SYDE2: variants seen among roughly 807,000 people sequenced by gnomAD.
The protein encoded by SYDE2 is synapse defective Rho GTPase homolog 2.
Under a neutral mutation model 91.5 loss-of-function variants are expected in SYDE2, and 76 were observed. The ratio of observed to expected loss-of-function variants is 0.83; its 90% CI spans 0.69 to 1.01. The LOEUF is 1.01. Ranked by LOEUF, SYDE2 falls within the 50% of genes least tolerant of loss-of-function variation. The pLI, the probability that SYDE2 is intolerant of heterozygous loss-of-function variation, is 0.00. For missense variants in SYDE2, 1,364 were observed against 1,367.7 expected (o/e 1.00, Z 0.04); for synonymous variants, 513 against 506.4 (o/e 1.01, Z -0.18).
At chr1:85,163,719 G>A (rs1343347871) in intron 6 of SYDE2, among the ~76,000 whole-genome samples, 1 of 151,958 alleles carries the variant, frequency 6.6e-6, no homozygotes. Flanking sequence ...TTACTAGTGT[G>A]CTCTACACTA....
At chr1:85,184,422 C>T (rs554437075) in intron 2 of SYDE2, among the ~76,000 whole-genome samples, 2 of 152,162 alleles carry the variant, frequency 1.3e-5, no homozygotes, top group South Asian at 4.1e-4. Context: ...TCTATCAACA[C>T]CTAACATTAA....
At chr1:85,186,000 CATG>C (rs1288416808) in intron 2 of SYDE2, among the ~76,000 whole-genome samples, 1 of 152,158 alleles carries the variant, frequency 6.6e-6, no homozygotes, top group Non-Finnish European at 1.5e-5. Context: ...GAGTTTTTAG[CATG>C]AAGGGTTGTT....
rs772117139 is a variant in SYDE2, at chr1:85,164,552, A to G, written c.3059T>C (p.Leu1020Pro). 8 of 1,602,208 alleles carry G rather than the reference A, an allele frequency of 5.0e-6. No individual in the cohort carries two copies. The highest frequency in any genetic ancestry group is 1.1e-5 in the South Asian group (1 of 87,828). Residue 1020 changes from leucine (L) to proline (P), a missense_variant, in exon 6 of 7, where the codon CTT (leucine) becomes CCT (proline). Leu to Pro is a moderately conservative substitution (Grantham distance 98). Coordinates refer to ENST00000341460, the MANE Select transcript of SYDE2 (RefSeq NM_032184.2). ...TGGCCAGAGTTGGAGTAAGTAATGA[A>G]GAACTTCAATGTGTTTTTTAAAATC... ...ALDFKKHIEV[L>P]HYLLQLWPVQ...
rs189010405 is a variant in SYDE2 at position 85,171,546 on chromosome 1, A to G, written c.2672-2321T>C. ...ATTGCAGAGAACAGTGTTTTTTCAAAATTGGCTGCACACTGAGGCTTTAAA... is the reference window on the plus strand; with the variant it reads ...ATTGCAGAGAACAGTGTTTTTTCAAGATTGGCTGCACACTGAGGCTTTAAA... On this transcript the variant is annotated intron_variant, in intron 4 of 6. Transcript: ENST00000341460. Among the ~76,000 whole-genome samples the G allele has an allele frequency of 2.0e-5, 3 of 152,306 alleles. No individual in the cohort carries two copies. The East Asian group carries it at 5.8e-4, about 29-fold the overall frequency.
At chr1:85,168,554 G>A (rs1355467015) in intron 5 of SYDE2, among the ~76,000 whole-genome samples, 1 of 152,146 alleles carries the variant, frequency 6.6e-6, no homozygotes, top group Non-Finnish European at 1.5e-5. Context: ...ATTTTGGAGA[G>A]GGGGTGAATG....
At chr1:85,171,624 AG>A (rs2100656423) in intron 4 of SYDE2, among the ~76,000 whole-genome samples, 1 of 152,306 alleles carries the variant, frequency 6.6e-6, no homozygotes, top group African/African-American at 2.4e-5. Context: ...TAATGTACAG[AG>A]GTCAGAGCTC....
intron 5 of SYDE2, among the ~76,000 whole-genome samples, chr1:85,165,182 T>A (rs817420): frequency 1.3e-5 from 2 of 152,042 alleles, no homozygotes; most frequent in African/African-American, 4.8e-5. Flanking sequence ...TGCAGTCAGC[T>A]GAGACTATAC....
intron 2 of SYDE2, among the ~76,000 whole-genome samples, chr1:85,188,971 CAG>C (rs1658257498): frequency 6.6e-6 from 1 of 152,194 alleles, no homozygotes; most frequent in Non-Finnish European, 1.5e-5. Flanking sequence ...TGATATAAAA[CAG>C]AACTGCTTTC....
chr1:85,198,943 T>C (rs1658704947), intron 1 of SYDE2, among the ~76,000 whole-genome samples: 1 of 152,238 alleles, frequency 6.6e-6, no homozygotes, highest in East Asian at 1.9e-4. Context: ...TATCCTTTTG[T>C]TCAAGTGAAA....
intron 4 of SYDE2, among the ~76,000 whole-genome samples, chr1:85,175,064 C>T (rs1239719607): frequency 6.6e-6 from 1 of 152,168 alleles, no homozygotes. Flanking sequence ...AACCTAGATA[C>T]TGATTATGTA....
rs1171604142 is a variant in SYDE2, at chr1:85,200,358, A to G, written c.639T>C (p.Ala213=). Residue 213 remains alanine, a synonymous_variant, in exon 1 of 7, where the codon GCT becomes GCC. Coordinates refer to ENST00000341460, the MANE Select transcript of SYDE2 (RefSeq NM_032184.2). ...LGMKGRARGT[A]PKVTGTQAAS... ...CTGCCTGCGTTCCTGTGACTTTGGG[A>G]GCCGTCCCACGGGCACGACCCTTCA... is the stretch of plus-strand genomic sequence containing the variant. The G allele has an allele frequency of 6.2e-7, 1 of 1,613,968 alleles. No individual in the cohort carries two copies.
chr1:85,193,865 T>C (rs535206389), intron 1 of SYDE2, among the ~76,000 whole-genome samples: 9 of 152,128 alleles, frequency 5.9e-5, no homozygotes, highest in Non-Finnish European at 1.3e-4. Context: ...CAGGCTTAAG[T>C]GATCTTCCTG....
Position 85,187,103 on chromosome 1 carries a change from C to T in SYDE2, c.1441+2954G>A, listed in dbSNP as rs371861747. Reference sequence around the variant, plus strand: ...AACCTACAAAATGGGAGAAAATTTTCGCAACCTACTCATCTGACAAAGGGC... The same window carrying T: ...AACCTACAAAATGGGAGAAAATTTTTGCAACCTACTCATCTGACAAAGGGC... On this transcript the variant is annotated intron_variant, in intron 2 of 6. Coordinates refer to ENST00000341460, the MANE Select transcript of SYDE2 (RefSeq NM_032184.2). Among the ~76,000 whole-genome samples, 20 of 152,070 alleles carry T rather than the reference C, an allele frequency of 1.3e-4. No homozygotes were observed. In the South Asian group the frequency reaches 2.3e-3, roughly 17 times the overall value.
chr1:85,182,181 C>T lies in SYDE2; in HGVS notation c.2461G>A (p.Val821Ile), dbSNP rs777800659. The T allele has an allele frequency of 8.1e-6, 13 of 1,606,474 alleles. No homozygotes were observed. The highest frequency in any genetic ancestry group is 1.0e-5 in the Non-Finnish European group (12 of 1,175,958). Reference sequence around the variant, plus strand: ...AGTCCTATATTTTCTTTCTCTACAACTTTTTGAATATCAACTCCAAATATT... The same window carrying T: ...AGTCCTATATTTTCTTTCTCTACAATTTTTTGAATATCAACTCCAAATATT... ...PIIFGVDIQK[V>I]VEKENIGLMV... Residue 821 changes from valine to isoleucine, a missense_variant, in exon 3 of 7, where the codon GTT (valine) becomes ATT (isoleucine). Val to Ile is a conservative substitution (Grantham distance 29). Transcript: ENST00000341460.
At chr1:85,159,327 C>A in intron 6 of SYDE2, 78 bp from the exon 7 acceptor site, 1 of 710,058 alleles carries the variant, frequency 1.4e-6, no homozygotes, top group Non-Finnish European at 2.5e-6. Flanking sequence ...AAAGATAAGC[C>A]ATTTAATCAT....
intron 3 of SYDE2, among the ~76,000 whole-genome samples, chr1:85,179,021 A>C (rs918135301): frequency 6.6e-6 from 1 of 152,160 alleles, no homozygotes; most frequent in Non-Finnish European, 1.5e-5. Flanking sequence ...TAAGTTATTC[A>C]CTATAAATTT....
At chr1:85,165,229 G>A (rs1044102553) in intron 5 of SYDE2, among the ~76,000 whole-genome samples, 10 of 151,834 alleles carry the variant, frequency 6.6e-5, no homozygotes, top group Non-Finnish European at 1.0e-4. Flanking sequence ...ACGAGACCCT[G>A]TCAAAAAAAA....
chr1:85,185,070 T>G (rs1658079231), intron 2 of SYDE2, among the ~76,000 whole-genome samples: 1 of 151,378 alleles, frequency 6.6e-6, no homozygotes, highest in Admixed American at 6.6e-5. Flanking sequence ...TAGGTAACGG[T>G]TTTTCCACCA....
In SYDE2 at chr1:85,158,185, CTGGCCAACA is replaced by C. The variant is rs1427103283; in HGVS notation, c.*556_*564del. ...CTGAGATCAGGAGTTCGAGACCAGC[CTGGCCAACA>C]TGGTGAAACCCCATCTTTACTAAAA... On this transcript the variant is annotated 3_prime_UTR_variant, in exon 7 of 7. Transcript: ENST00000341460. The C allele has an allele frequency of 1.3e-5, 2 of 152,348 alleles. No homozygotes were observed. Among genetic ancestry groups the C allele is most frequent in the Non-Finnish European group, 2.9e-5 (2 of 68,194 alleles). The allele number at this position is 152,348 out of a possible 1,614,324, so 9.4% of individuals were successfully genotyped here. A position where few individuals can be genotyped will look rare whatever the true frequency, so the allele number is the denominator to read the frequency against.
Sources: allele counts gnomAD v4.1 joint callset (sites outside exome capture counted in the v4.1 genomes callset), GRCh38; gene constraint gnomAD v4.1.1; transcripts MANE v1.5; gene names NCBI Gene and HGNC (gene_info 2026-07-23, HGNC 2026-07-21).